Variants in PBX3 observed in about 807,000 individuals in gnomAD.
PBX3 encodes the protein pre-B-cell leukemia transcription factor 3.
A neutral mutation model predicts 48.5 loss-of-function variants in PBX3; 14 were observed. That is an observed-to-expected ratio of 0.29 (90% CI 0.19 to 0.45). The LOEUF is 0.45. Ranked by LOEUF, PBX3 falls within the 20% of genes least tolerant of loss-of-function variation. The pLI, the probability that PBX3 is intolerant of heterozygous loss-of-function variation, is 1.00. For synonymous variants in PBX3, 210 were observed against 200.3 expected (o/e 1.05, Z -0.41); for missense variants, 386 against 546.7 (o/e 0.71, Z 2.93).
intron 2 of PBX3, among the ~76,000 whole-genome samples, chr9:125,914,886 C>A (rs1841290826): frequency 6.6e-6 from 1 of 152,190 alleles, no homozygotes; most frequent in Non-Finnish European, 1.5e-5. Context: ...CCTGATTAAA[C>A]CTATGAATTG....
intron 2 of PBX3, among the ~76,000 whole-genome samples, chr9:125,790,565 T>C (rs572966435): frequency 2.0e-5 from 3 of 151,702 alleles, no homozygotes; most frequent in African/African-American, 7.3e-5. Context: ...ACTATTTCTT[T>C]ATAATTTAAT....
intron 2 of PBX3, among the ~76,000 whole-genome samples, chr9:125,796,233 G>A (rs979622907): frequency 4.6e-5 from 7 of 152,164 alleles, no homozygotes; most frequent in African/African-American, 1.7e-4. Context: ...TTCTCTCCTG[G>A]TGTTTTAGCT....
chr9:125,965,773 T>C, intron 8 of PBX3, 58 bp from the exon 9 acceptor site: 1 of 1,280,262 alleles, frequency 7.8e-7, no homozygotes, highest in Non-Finnish European at 1.1e-6. Context: ...GTGTTTTAAA[T>C]TGGGGAGTAG....
intron 5 of PBX3, among the ~76,000 whole-genome samples, chr9:125,950,085 CT>C (rs1260574844): frequency 1.3e-5 from 2 of 151,948 alleles, no homozygotes; most frequent in African/African-American, 4.8e-5. Flanking sequence ...GAAAAAAAAA[CT>C]CTTAACTGTA....
In PBX3 at chr9:125,966,688, A is replaced by G. The variant is rs1588352082; in HGVS notation, c.*765A>G. ...TTGCTACGTCCTCTGGGCATCTGCA[A>G]AAGGCCCTGCTCTCTGGAGTGTTGT... is the stretch of plus-strand genomic sequence containing the variant. On this transcript the variant is annotated 3_prime_UTR_variant, in exon 9 of 9. Transcript: ENST00000373489. The G allele has an allele frequency of 6.5e-6, 1 of 152,804 alleles. No homozygotes were observed. Among genetic ancestry groups the G allele is most frequent in the East Asian group, 1.9e-4 (1 of 5,184 alleles). The allele number at this position is 152,804 out of a possible 1,614,324, so 9.5% of individuals were successfully genotyped here.
intron 2 of PBX3, among the ~76,000 whole-genome samples, chr9:125,860,166 T>A (rs967208954): frequency 6.6e-6 from 1 of 152,226 alleles, no homozygotes; most frequent in African/African-American, 2.4e-5. Context: ...GCTAATGAAT[T>A]AGCCACCATC....
intron 2 of PBX3, among the ~76,000 whole-genome samples, chr9:125,812,801 A>G (rs904976388): frequency 6.6e-6 from 1 of 152,238 alleles, no homozygotes; most frequent in African/African-American, 2.4e-5. Context: ...TCCATACAGC[A>G]TGTTATGTGC....
chr9:125,762,675 T>C (rs1287832246), intron 2 of PBX3, among the ~76,000 whole-genome samples: 1 of 152,238 alleles, frequency 6.6e-6, no homozygotes, highest in African/African-American at 2.4e-5. Flanking sequence ...TGTTAAGGTT[T>C]CTAATATTTA....
At chr9:125,806,464 T>C (rs574199288) in intron 2 of PBX3, among the ~76,000 whole-genome samples, 81 of 152,298 alleles carry the variant, frequency 5.3e-4, no homozygotes, top group African/African-American at 1.8e-3. Context: ...AGGGCCAGGC[T>C]TCTGCTTCCA....
rs557748793 is a variant in PBX3 at position 125,747,480 on chromosome 9, G to A, written c.27G>A (p.Gln9=). The change falls in exon 1 of 9, where the codon CAG becomes CAA. Residue 9 remains glutamine (Q), a synonymous_variant. Coordinates refer to ENST00000373489, the MANE Select transcript of PBX3 (RefSeq NM_006195.6). ...TGGACGATCAATCCAGGATGCTGCAGACTCTGGCCGGGGTGAACCTGGCTG... is the reference window on the plus strand; with the variant it reads ...TGGACGATCAATCCAGGATGCTGCAAACTCTGGCCGGGGTGAACCTGGCTG... The part of the protein sequence containing the change: MDDQSRML[Q]TLAGVNLAGH... 6.0e-5 allele frequency: 94 copies of A among 1,579,268 alleles called. No individual in the cohort carries two copies. In the Admixed American group the frequency reaches 6.5e-4, roughly 11 times the overall value.
chr9:125,928,686 C>G (rs954928112), intron 3 of PBX3, among the ~76,000 whole-genome samples: 3 of 151,946 alleles, frequency 2.0e-5, no homozygotes, highest in Admixed American at 2.0e-4. Context: ...AGGATGGTCT[C>G]GATCTCCTGC....
chr9:125,869,556 A>G (rs1249956687), intron 2 of PBX3, among the ~76,000 whole-genome samples: 1 of 152,222 alleles, frequency 6.6e-6, no homozygotes, highest in Non-Finnish European at 1.5e-5. Flanking sequence ...ACAGACAGCT[A>G]ACTTCTCAGC....
At chr9:125,843,739 G>A (rs1173284776) in intron 2 of PBX3, 4 of 448,126 alleles carry the variant, frequency 8.9e-6, no homozygotes, top group Admixed American at 2.4e-5. Context: ...ATGGTGCAGC[G>A]AGGTCATAAG....
chr9:125,754,067 AC>A (rs1836447589), intron 2 of PBX3, among the ~76,000 whole-genome samples: 1 of 152,108 alleles, frequency 6.6e-6, no homozygotes, highest in Admixed American at 6.6e-5. Context: ...TTTGTACTCT[AC>A]CCTGAGGTAT....
intron 2 of PBX3, among the ~76,000 whole-genome samples, chr9:125,890,043 A>G (rs1044498060): frequency 2.0e-5 from 3 of 152,060 alleles, no homozygotes; most frequent in Non-Finnish European, 4.4e-5. Flanking sequence ...GTCAGCACCC[A>G]CTGCAAGTCA....
chr9:125,788,979 G>A (rs2132056860), intron 2 of PBX3, among the ~76,000 whole-genome samples: 1 of 151,210 alleles, frequency 6.6e-6, no homozygotes. Context: ...ATTCTTATTA[G>A]TGTTTACTAA....
chr9:125,797,814 G>C (rs911327842), intron 2 of PBX3, among the ~76,000 whole-genome samples: 20 of 152,068 alleles, frequency 1.3e-4, no homozygotes, highest in African/African-American at 4.6e-4. Context: ...AAATCTTAAG[G>C]AAAATTTAAT....
At chr9:125,803,482 C>T (rs763802814) in intron 2 of PBX3, among the ~76,000 whole-genome samples, 1 of 152,118 alleles carries the variant, frequency 6.6e-6, no homozygotes, top group Non-Finnish European at 1.5e-5. Flanking sequence ...AGTTTTTATG[C>T]CACTTTTGTC....
chr9:125,907,849 T>A (rs1841110495), intron 2 of PBX3, among the ~76,000 whole-genome samples: 1 of 152,124 alleles, frequency 6.6e-6, no homozygotes, highest in Non-Finnish European at 1.5e-5. Context: ...TTACTCACCA[T>A]GTGATCTTGG....
Sources: gnomAD v4.1 joint callset for allele counts (sites outside exome capture counted in the v4.1 genomes callset) on GRCh38, gnomAD v4.1.1 for gene constraint, MANE v1.5 for transcripts, NCBI Gene and HGNC (gene_info 2026-07-23, HGNC 2026-07-21) for gene names.